The following KDM2B variants were observed in gnomAD, a reference collection of about 807,000 sequenced individuals.
KDM2B encodes lysine-specific demethylase 2B.
KDM2B carries 26 observed loss-of-function variants against 150.0 expected under a neutral mutation model. The observed-to-expected ratio is 0.17, with a 90% CI of 0.13 to 0.24. The LOEUF (loss-of-function observed/expected upper bound fraction) is 0.24, where lower values mean the gene tolerates loss of function less well. Among genes scored for constraint, KDM2B ranks in the 10% least tolerant of loss-of-function variants. The probability of loss-of-function intolerance (pLI) is 1.00; values close to 1 mark genes in which losing one functional copy is unlikely to be tolerated. For synonymous variants in KDM2B, 734 were observed against 729.5 expected, an observed-to-expected ratio of 1.01 and a Z score of -0.10; for missense variants, 1,265 against 1,816.9, an observed-to-expected ratio of 0.70 and a Z score of 5.52.
At chr12:121,508,623 C>T (rs1419684636) in intron 11 of KDM2B, among the ~76,000 whole-genome samples, 1 of 152,172 alleles carries the variant, frequency 6.6e-6, no homozygotes, top group Non-Finnish European at 1.5e-5. Flanking sequence ...AATGCTGAGA[C>T]AAGAGGCAGT....
downstream of KDM2B, among the ~76,000 whole-genome samples, chr12:121,427,450 G>A (rs1872561671): frequency 6.6e-6 from 1 of 152,216 alleles, no homozygotes; most frequent in Admixed American, 6.5e-5. Flanking sequence ...GCTGAGGCAG[G>A]AGAATTGCTT....
intron 2 of KDM2B, among the ~76,000 whole-genome samples, chr12:121,576,811 G>A (rs1028195035): frequency 5.3e-5 from 8 of 152,164 alleles, no homozygotes; most frequent in South Asian, 2.1e-4. Flanking sequence ...CTCTCCGACC[G>A]TCAGAAGGGA....
chr12:121,527,300 G>C (rs1887225359), intron 8 of KDM2B, among the ~76,000 whole-genome samples: 1 of 141,754 alleles, frequency 7.1e-6, no homozygotes, highest in Admixed American at 7.2e-5. Context: ...TGCCCGCCTT[G>C]GCCTCCCAAA....
chr12:121,439,439 G>A (rs1874591556), intron 22 of KDM2B, among the ~76,000 whole-genome samples: 1 of 140,908 alleles, frequency 7.1e-6, no homozygotes. Context: ...GGAGTGCAGT[G>A]GCGCCATCTT....
chr12:121,425,151 T>TA (rs1259631264), downstream of KDM2B, among the ~76,000 whole-genome samples: 40 of 151,784 alleles, frequency 2.6e-4, no homozygotes, highest in African/African-American at 9.7e-4. Context: ...CAACTAAAAA[T>TA]ACGAAAATTA....
At chr12:121,462,714 A>C (rs1879275997) in intron 12 of KDM2B, among the ~76,000 whole-genome samples, 1 of 151,904 alleles carries the variant, frequency 6.6e-6, no homozygotes, top group Non-Finnish European at 1.5e-5. Flanking sequence ...GGCTGGTCTC[A>C]AACTCCTGAC....
At chr12:121,578,763 C>G (rs1410992559) in intron 2 of KDM2B, 39 bp downstream of exon 2, 6 of 1,421,964 alleles carry the variant, frequency 4.2e-6, no homozygotes, top group Non-Finnish European at 5.6e-6. Context: ...TGCGCTCGGC[C>G]CGCAGCGCAG....
intron 10 of KDM2B, among the ~76,000 whole-genome samples, chr12:121,511,954 G>C (rs924051048): frequency 6.6e-6 from 1 of 152,150 alleles, no homozygotes; most frequent in African/African-American, 2.4e-5. Context: ...ACGTAAGGAA[G>C]ATGTGGGTAC....
chr12:121,416,419 G>A, the KDM2B span: 1 of 1,298,626 alleles, frequency 7.7e-7, no homozygotes, highest in South Asian at 1.2e-5. Flanking sequence ...ACATGGGTCA[G>A]CATTCTTGAT....
downstream of KDM2B, among the ~76,000 whole-genome samples, chr12:121,427,619 T>C (rs1872572319): frequency 6.6e-6 from 1 of 152,214 alleles, no homozygotes; most frequent in Non-Finnish European, 1.5e-5. Flanking sequence ...TGTTCAGTAC[T>C]CTTGGGAGAG....
intron 14 of KDM2B, 43 bp from the exon 15 acceptor site, chr12:121,444,579 G>A: frequency 1.3e-6 from 2 of 1,543,374 alleles, no homozygotes; most frequent in African/African-American, 1.4e-5. Flanking sequence ...GGGCGGAGAA[G>A]ATGGCCCACG....
At chr12:121,495,774 CTG>C (rs1883871170) in intron 11 of KDM2B, among the ~76,000 whole-genome samples, 1 of 152,182 alleles carries the variant, frequency 6.6e-6, no homozygotes, top group Non-Finnish European at 1.5e-5. Context: ...CCTAACCCTG[CTG>C]TGTGACGACG....
intron 22 of KDM2B, among the ~76,000 whole-genome samples, chr12:121,434,700 G>A (rs1297816881): frequency 3.3e-5 from 5 of 151,192 alleles, no homozygotes; most frequent in African/African-American, 1.2e-4. Context: ...GCTCATGCCT[G>A]TAATCCCAGC....
At chr12:121,580,195 C>A in intron 1 of KDM2B, 1 of 1,519,738 alleles carries the variant, frequency 6.6e-7, no homozygotes, top group South Asian at 1.3e-5. Flanking sequence ...CAAAGTTTTG[C>A]ACCAACACTT....
chr12:121,491,391 C>T (rs565603204), intron 12 of KDM2B, among the ~76,000 whole-genome samples: 8 of 152,198 alleles, frequency 5.3e-5, no homozygotes, highest in African/African-American at 1.9e-4. Context: ...TTCAGCTGAG[C>T]TGGTGGTCAT....
At chr12:121,454,723 T>C (rs1403210089) in intron 12 of KDM2B, among the ~76,000 whole-genome samples, 1 of 152,162 alleles carries the variant, frequency 6.6e-6, no homozygotes, top group Non-Finnish European at 1.5e-5. Context: ...AAAGCCCCTT[T>C]TCAGCTAACT....
At chr12:121,566,624 AT>A (rs1555314985) in intron 4 of KDM2B, among the ~76,000 whole-genome samples, 1 of 151,456 alleles carries the variant, frequency 6.6e-6, no homozygotes, top group East Asian at 2.0e-4. Context: ...TGTCTCAAAA[AT>A]AAATAAATAA....
At chr12:121,486,592 G>A (rs1882789962) in intron 12 of KDM2B, among the ~76,000 whole-genome samples, 1 of 151,880 alleles carries the variant, frequency 6.6e-6, no homozygotes. Context: ...TTTGAGACCA[G>A]CCTGGCCAAT....
intron 12 of KDM2B, among the ~76,000 whole-genome samples, chr12:121,487,233 C>T (rs1259834647): frequency 1.3e-5 from 2 of 152,136 alleles, no homozygotes; most frequent in Non-Finnish European, 2.9e-5. Flanking sequence ...TTTCTCTCAA[C>T]GGGATTTTTC....
Sources: allele counts gnomAD v4.1 joint callset (sites outside exome capture counted in the v4.1 genomes callset), GRCh38; gene constraint gnomAD v4.1.1; transcripts MANE v1.5; gene names NCBI Gene and HGNC (gene_info 2026-07-23, HGNC 2026-07-21).